The following ADGRE5 variants were observed in gnomAD, a reference collection of about 807,000 sequenced individuals.
ADGRE5 encodes the protein adhesion G protein-coupled receptor E5.
A neutral mutation model predicts 100.3 loss-of-function variants in ADGRE5; 72 were observed. That is an observed-to-expected ratio of 0.72 (90% CI 0.59 to 0.87). ADGRE5 has a LOEUF of 0.87. Ranked by LOEUF, ADGRE5 falls within the 40% of genes least tolerant of loss-of-function variation. The probability of loss-of-function intolerance (pLI) is 0.00; values close to 1 mark genes in which losing one functional copy is unlikely to be tolerated. For synonymous variants in ADGRE5, 439 were observed against 447.8 expected (o/e 0.98, Z 0.25); for missense variants, 959 against 1,094.7 (o/e 0.88, Z 1.75).
At chr19:14,388,003 G>T (rs952490096) in intron 1 of ADGRE5, among the ~76,000 whole-genome samples, 1 of 152,044 alleles carries the variant, frequency 6.6e-6, no homozygotes, top group Non-Finnish European at 1.5e-5. Context: ...TTGAACCCAG[G>T]AGGTAGAGAT....
chr19:14,381,754 T>C lies in ADGRE5; in HGVS notation c.22+209T>C, dbSNP rs34025302. 8.3e-3 allele frequency among the ~76,000 whole-genome samples: 1,266 copies of C among 152,264 alleles called. 8 individuals carry two copies. Among genetic ancestry groups the C allele is most frequent in the Non-Finnish European group, 0.014 (927 of 67,992 alleles). On this transcript the variant is annotated intron_variant, in intron 1 of 19. Coordinates refer to ENST00000242786, the MANE Select transcript of ADGRE5 (RefSeq NM_078481.4). ...CCCGGCAGGAACTCCAGGGTGCTCT[T>C]GGAGCCTGCTACCCTGCCTGGAGGG...
In ADGRE5 at chr19:14,401,770, G is replaced by A. The variant is rs73924180; in HGVS notation, c.1183+10G>A. 7,577 of 1,529,728 alleles carry A rather than the reference G, an allele frequency of 5.0e-3. 286 individuals are homozygous for A. In the African/African-American group the frequency reaches 0.089, roughly 18 times the overall value. The allele number at this position is 1,529,728 out of a possible 1,614,324, so 94.8% of individuals were successfully genotyped here. A position where few individuals can be genotyped will look rare whatever the true frequency, so the allele number is the denominator to read the frequency against. On this transcript the variant is annotated intron_variant, in intron 11 of 19. Coordinates refer to ENST00000242786, the MANE Select transcript of ADGRE5 (RefSeq NM_078481.4). The surrounding 1 kb of genome is among the most constrained non-coding windows in gnomAD (Gnocchi z 4.1). ...GGAGCCGAGGATCCAGGTAGCAGCG[G>A]TGGTCTGGAGGGGGAGCCCGTGGGA...
intron 4 of ADGRE5, among the ~76,000 whole-genome samples, chr19:14,394,337 C>T (rs937799731): frequency 6.6e-6 from 1 of 152,084 alleles, no homozygotes; most frequent in African/African-American, 2.4e-5. Context: ...CGCTATTGCA[C>T]CTGAGGACAC....
chr19:14,392,541 T>C (rs2146355808), intron 4 of ADGRE5, among the ~76,000 whole-genome samples: 1 of 152,266 alleles, frequency 6.6e-6, no homozygotes, highest in African/African-American at 2.4e-5. Flanking sequence ...ACAGGTTACT[T>C]TCACCTTGTT....
At chr19:14,395,296 G>T (rs1231189696) in intron 4 of ADGRE5, among the ~76,000 whole-genome samples, 1 of 105,064 alleles carries the variant, frequency 9.5e-6, no homozygotes, top group Non-Finnish European at 1.9e-5. Context: ...GAGAGACGCT[G>T]TCTCCAAAAA....
chr19:14,401,787 C>T lies in ADGRE5; in HGVS notation c.1183+27C>T. On this transcript the variant is annotated intron_variant, in intron 11 of 19. Transcript: ENST00000242786. The surrounding 1 kb of genome is among the most constrained non-coding windows in gnomAD (Gnocchi z 4.1). Reference sequence around the variant, plus strand: ...TAGCAGCGGTGGTCTGGAGGGGGAGCCCGTGGGAGAGAGATGGAGGTGCTG... The same window carrying T: ...TAGCAGCGGTGGTCTGGAGGGGGAGTCCGTGGGAGAGAGATGGAGGTGCTG... The T allele has an allele frequency of 2.1e-6, 3 of 1,454,770 alleles. No homozygotes were observed. Among genetic ancestry groups the T allele is most frequent in the Non-Finnish European group, 2.8e-6 (3 of 1,075,504 alleles). The allele number at this position is 1,454,770 out of a possible 1,614,324, so 90.1% of individuals were successfully genotyped here. A position where few individuals can be genotyped will look rare whatever the true frequency, so the allele number is the denominator to read the frequency against.
rs932057472 is a variant in ADGRE5, at chr19:14,408,255, G to A, written c.*134G>A. 4 of 1,026,304 alleles carry A rather than the reference G, an allele frequency of 3.9e-6. No homozygotes were observed. The highest frequency in any genetic ancestry group is 4.4e-6 in the Non-Finnish European group (3 of 676,556). The allele number at this position is 1,026,304 out of a possible 1,614,324, so 63.6% of individuals were successfully genotyped here. On this transcript the variant is annotated 3_prime_UTR_variant, in exon 20 of 20. Coordinates refer to ENST00000242786, the MANE Select transcript of ADGRE5 (RefSeq NM_078481.4). ...CCCTGATCCCGTGTGCCACCAGGAG[G>A]GAGTGGCAGCTATAGTCTGGCACCA...
rs1975996935 is a variant in ADGRE5, at chr19:14,401,247, C to G, written c.898-139C>G. 5 of 682,096 alleles carry G rather than the reference C, an allele frequency of 7.3e-6. No individual in the cohort carries two copies. Among genetic ancestry groups the G allele is most frequent in the Non-Finnish European group, 2.4e-6 (1 of 408,776 alleles). The allele number at this position is 682,096 out of a possible 1,614,324, so 42.3% of individuals were successfully genotyped here. On this transcript the variant is annotated intron_variant, in intron 9 of 19. Transcript: ENST00000242786. The surrounding 1 kb of genome is among the most constrained non-coding windows in gnomAD (Gnocchi z 4.1). ...AAATACTCAATCCGTCGCTTGTTTT[C>G]TGGTTACTGCATCATCTCAGTGATT... is the stretch of plus-strand genomic sequence containing the variant.
intron 5 of ADGRE5, 92 bp from the exon 6 acceptor site, chr19:14,396,985 G>C: frequency 1.4e-6 from 2 of 1,405,116 alleles, no homozygotes; most frequent in Non-Finnish European, 1.9e-6. Context: ...TTCAGTCTGA[G>C]GCAATGAAAA....
rs934787537 is a variant in ADGRE5 at position 14,406,632 on chromosome 19, G to A, written c.2049-68G>A. 6 of 1,602,848 alleles carry A rather than the reference G, an allele frequency of 3.7e-6. No individual in the cohort carries two copies. In the Admixed American group the frequency reaches 5.0e-5, roughly 13 times the overall value. ...GCTCACAGGCAGTGCCACACACAAT[G>A]TCCGGCCGCCCTCCGTTCCGCTCCT... is the stretch of plus-strand genomic sequence containing the variant. On this transcript the variant is annotated intron_variant, in intron 15 of 19. Coordinates refer to ENST00000242786, the MANE Select transcript of ADGRE5 (RefSeq NM_078481.4). This position sits in a 1 kb window ranked among gnomAD's most constrained non-coding sequence, Gnocchi z 6.0.
At position 14,408,008 on chromosome 19, in the gene ADGRE5, G is replaced by A. The variant is rs201291607; in HGVS notation, c.2477G>A (p.Arg826Gln). 2.8e-5 allele frequency: 45 copies of A among 1,614,148 alleles called. No homozygotes were observed. The highest frequency in any genetic ancestry group is 2.5e-4 in the Admixed American group (15 of 60,010). The change falls in exon 19 of 20, where the codon CGG (arginine) becomes CAG (glutamine). Residue 826 changes from arginine to glutamine, a missense_variant and splice_region_variant. Arg to Gln is a conservative substitution (Grantham distance 43). This residue lies in a region of ADGRE5 where 428 missense variants were observed against 386.2 expected (regional missense o/e 1.11). Coordinates refer to ENST00000242786, the MANE Select transcript of ADGRE5 (RefSeq NM_078481.4). ...TCTGGCACTGGCCACAATCAGACCC[G>A]GGTAAGGGGCTGCGCCTGGGGCGGG... ...TTSGTGHNQTRALRASESGI is the reference protein window; with the variant it reads ...TTSGTGHNQTQALRASESGI
intron 4 of ADGRE5, among the ~76,000 whole-genome samples, chr19:14,393,153 A>T (rs970992292): frequency 6.6e-6 from 1 of 151,554 alleles, no homozygotes; most frequent in Admixed American, 6.6e-5. Context: ...GTGAGCCGAT[A>T]TTGCGCCACT....
Position 14,388,386 on chromosome 19 carries a change from C to T in ADGRE5, c.23-64C>T, listed in dbSNP as rs888119026. 5 of 1,469,738 alleles carry T rather than the reference C, an allele frequency of 3.4e-6. No homozygotes were observed. The African/African-American group carries it at 5.7e-5, about 17-fold the overall frequency. The allele number at this position is 1,469,738 out of a possible 1,614,324, so 91.0% of individuals were successfully genotyped here. Reference sequence around the variant, plus strand: ...AGCATCCTCCTCCCACAAAGTGCATCACCCTTACGCCTCCTTTCCCACCCT... The same window carrying T: ...AGCATCCTCCTCCCACAAAGTGCATTACCCTTACGCCTCCTTTCCCACCCT... On this transcript the variant is annotated intron_variant, in intron 1 of 19. Coordinates refer to ENST00000242786, the MANE Select transcript of ADGRE5 (RefSeq NM_078481.4).
In ADGRE5 at chr19:14,401,321, C is replaced by G; in HGVS notation, c.898-65C>G. On this transcript the variant is annotated intron_variant, in intron 9 of 19. Transcript: ENST00000242786. This position sits in a 1 kb window ranked among gnomAD's most constrained non-coding sequence, Gnocchi z 4.1. ...TGTGTCCCCTGGTAGGGGGTGACAT[C>G]CAGGTCCTTCAGGCAACCCCTGTGG... The G allele has an allele frequency of 6.9e-7, 1 of 1,456,496 alleles. No individual in the cohort carries two copies. The highest frequency in any genetic ancestry group is 9.4e-7 in the Non-Finnish European group (1 of 1,063,948). 90.2% of individuals were successfully genotyped at this position (1,456,496 alleles called of 1,614,324 possible). A position where few individuals can be genotyped will look rare whatever the true frequency, so the allele number is the denominator to read the frequency against.
chr19:14,391,221 A>G, intron 4 of ADGRE5, 142 bp downstream of exon 4: 2 of 998,626 alleles, frequency 2.0e-6, no homozygotes, highest in Non-Finnish European at 1.5e-6. Context: ...ACATGTACCT[A>G]CCCCACCACC....
chr19:14,386,306 G>A (rs1443102903), intron 1 of ADGRE5, among the ~76,000 whole-genome samples: 2 of 149,458 alleles, frequency 1.3e-5, no homozygotes, highest in Non-Finnish European at 3.0e-5. Flanking sequence ...GTGAACCCGG[G>A]AGGTGGAGCT....
At chr19:14,388,015 G>A (rs1975421905) in intron 1 of ADGRE5, among the ~76,000 whole-genome samples, 1 of 152,070 alleles carries the variant, frequency 6.6e-6, no homozygotes, top group Non-Finnish European at 1.5e-5. Flanking sequence ...GGTAGAGATT[G>A]CAGTGAGCCA....
rs1489273839 is a variant in ADGRE5, at chr19:14,406,819, G to C, written c.2116-50G>C. On this transcript the variant is annotated intron_variant, in intron 16 of 19. Coordinates refer to ENST00000242786, the MANE Select transcript of ADGRE5 (RefSeq NM_078481.4). This position sits in a 1 kb window ranked among gnomAD's most constrained non-coding sequence, Gnocchi z 6.0. ...GCCCGAGCGCCACAGGCCCAGGCCC[G>C]GCTGGACCATCGCTCTCGCCCTCTA... 6.2e-7 allele frequency: 1 copy of C among 1,611,530 alleles called. No homozygotes were observed. The highest frequency in any genetic ancestry group is 2.2e-5 in the East Asian group (1 of 44,880).
chr19:14,383,128 A>G (rs950829546), intron 1 of ADGRE5, among the ~76,000 whole-genome samples: 3 of 152,098 alleles, frequency 2.0e-5, no homozygotes, highest in Non-Finnish European at 2.9e-5. Flanking sequence ...CCTTGAGCCC[A>G]GGAGGTTGAA....
Sources: gnomAD v4.1 joint callset for allele counts (sites outside exome capture counted in the v4.1 genomes callset) on GRCh38, gnomAD v4.1.1 for gene constraint, gnomAD v4.1.1 regional missense constraint, Gnocchi (gnomAD v3.1) non-coding constraint, MANE v1.5 for transcripts, NCBI Gene and HGNC (gene_info 2026-07-23, HGNC 2026-07-21) for gene names.